Variants in ATP2B2 observed in about 807,000 individuals in gnomAD.
ATP2B2 encodes plasma membrane calcium-transporting ATPase 2.
A neutral mutation model predicts 120.0 loss-of-function variants in ATP2B2; 15 were observed. That is an observed-to-expected ratio of 0.12 (90% CI 0.08 to 0.19). The LOEUF is 0.19. Ranked by LOEUF, ATP2B2 falls within the 10% of genes least tolerant of loss-of-function variation. The probability of loss-of-function intolerance (pLI) is 1.00; values close to 1 mark genes in which losing one functional copy is unlikely to be tolerated. For synonymous variants in ATP2B2, 694 were observed against 700.3 expected, an observed-to-expected ratio of 0.99 and a Z score of 0.14; for missense variants, 1,045 against 1,719.8, an observed-to-expected ratio of 0.61 and a Z score of 6.94.
intron 6 of ATP2B2, 132 bp downstream of exon 6, chr3:10,388,145 A>T: frequency 7.4e-7 from 1 of 1,346,106 alleles, no homozygotes; most frequent in African/African-American, 1.4e-5. Flanking sequence ...TTAAGGATGC[A>T]GGAGGTGGCT....
At chr3:10,430,113 C>T (rs1314268245) in intron 2 of ATP2B2, among the ~76,000 whole-genome samples, 1 of 152,214 alleles carries the variant, frequency 6.6e-6, no homozygotes, top group Non-Finnish European at 1.5e-5. Context: ...TATTACTACT[C>T]ATTGACAATG....
chr3:10,488,051 C>A (rs560150218), intron 1 of ATP2B2, among the ~76,000 whole-genome samples: 14 of 152,102 alleles, frequency 9.2e-5, no homozygotes, highest in African/African-American at 3.4e-4. Flanking sequence ...CCATCTCTCT[C>A]TCCACTCCTC....
intron 2 of ATP2B2, among the ~76,000 whole-genome samples, chr3:10,606,181 G>C (rs1559482608): frequency 6.6e-6 from 1 of 152,254 alleles, no homozygotes; most frequent in East Asian, 1.9e-4. Flanking sequence ...CAGTGGAGGA[G>C]TTCAGTGTTC....
intron 2 of ATP2B2, among the ~76,000 whole-genome samples, chr3:10,614,575 T>A (rs1472741233): frequency 1.3e-5 from 2 of 152,146 alleles, no homozygotes; most frequent in African/African-American, 4.8e-5. Context: ...TCTCGTGACT[T>A]GGGTTTTAAT....
intron 1 of ATP2B2, among the ~76,000 whole-genome samples, chr3:10,488,045 C>T (rs2065762014): frequency 1.3e-5 from 2 of 152,044 alleles, no homozygotes; most frequent in South Asian, 4.2e-4. Flanking sequence ...ATTCATCCAT[C>T]TCTCTCTCCA....
intron 3 of ATP2B2, among the ~76,000 whole-genome samples, chr3:10,530,021 C>G (rs968686331): frequency 6.6e-6 from 1 of 152,182 alleles, no homozygotes; most frequent in Non-Finnish European, 1.5e-5. Context: ...ATCTTGGACT[C>G]CTAGTCTCCA....
chr3:10,625,616 G>A (rs1450716331), intron 1 of ATP2B2, among the ~76,000 whole-genome samples: 1 of 152,184 alleles, frequency 6.6e-6, no homozygotes, highest in Non-Finnish European at 1.5e-5. Flanking sequence ...GAGTTTTCAA[G>A]AGGGGCCGGG....
intron 2 of ATP2B2, among the ~76,000 whole-genome samples, chr3:10,418,218 T>C (rs941899690): frequency 1.3e-5 from 2 of 152,170 alleles, no homozygotes; most frequent in African/African-American, 4.8e-5. Flanking sequence ...TCTCCTCTCT[T>C]TGTCTGGATT....
At chr3:10,607,860 C>T (rs754983940) in intron 2 of ATP2B2, among the ~76,000 whole-genome samples, 13 of 152,140 alleles carry the variant, frequency 8.5e-5, no homozygotes, top group Non-Finnish European at 1.5e-4. Context: ...ATGAAGCTTG[C>T]TAGGGCAGGG....
chr3:10,498,375 A>G (rs1368976296), intron 1 of ATP2B2, among the ~76,000 whole-genome samples: 3 of 152,244 alleles, frequency 2.0e-5, no homozygotes, highest in Admixed American at 2.0e-4. Flanking sequence ...CACAGATCAA[A>G]AAACTTCAGA....
At position 10,375,805 on chromosome 3, in the gene ATP2B2, C is replaced by T. The variant is rs2061365207; in HGVS notation, c.1202-161G>A. On this transcript the variant is annotated intron_variant, in intron 10 of 22. Transcript: ENST00000360273. The surrounding 1 kb of genome is among the most constrained non-coding windows in gnomAD (Gnocchi z 4.2). ...TATGACCTGTGGCAAGTTCTTGAGA[C>T]CTTGATCCTCACCGAGCCTCAGTCT... Among the ~76,000 whole-genome samples the T allele has an allele frequency of 1.3e-5, 2 of 152,178 alleles. No individual in the cohort carries two copies. The highest frequency in any genetic ancestry group is 2.4e-5 in the African/African-American group (1 of 41,444).
intron 3 of ATP2B2, among the ~76,000 whole-genome samples, chr3:10,519,379 G>A (rs1277807241): frequency 6.6e-6 from 1 of 152,242 alleles, no homozygotes; most frequent in Non-Finnish European, 1.5e-5. Flanking sequence ...GGCCTTTCAA[G>A]GGGCTATTGA....
In ATP2B2 at chr3:10,375,460, G is replaced by A. The variant is rs1398844879; in HGVS notation, c.1386C>T (p.Ala462=). The change falls in exon 11 of 23, where the codon GCC becomes GCT. Residue 462 remains alanine (A), a synonymous_variant. Transcript: ENST00000360273. This position sits in a 1 kb window ranked among gnomAD's most constrained non-coding sequence, Gnocchi z 4.2. The part of the protein sequence containing the change: ...VVAVPEGLPL[A]VTISLAYSVK... ...CCGAATAGGCCAACGAGATGGTGAC[G>A]GCCAGAGGGAGCCCCTCGGGCACGG... The A allele has an allele frequency of 2.5e-6, 4 of 1,612,898 alleles. No individual in the cohort carries two copies. The highest frequency in any genetic ancestry group is 1.7e-5 in the Admixed American group (1 of 60,014).
At chr3:10,549,458 G>C (rs940468514) in intron 2 of ATP2B2, among the ~76,000 whole-genome samples, 12 of 152,024 alleles carry the variant, frequency 7.9e-5, no homozygotes, top group African/African-American at 2.7e-4. Context: ...GAGCAAACAA[G>C]CTCATGCATA....
intron 5 of ATP2B2, among the ~76,000 whole-genome samples, chr3:10,394,173 T>C (rs3774157): frequency 0.17 from 25,090 of 151,890 alleles, 3,783 homozygotes; most frequent in African/African-American, 0.39. Context: ...GTTCCTTCAG[T>C]GGGGAGAGGC....
chr3:10,606,914 G>C (rs7629485), intron 2 of ATP2B2, among the ~76,000 whole-genome samples: 63,039 of 88,516 alleles, frequency 0.71, 19,900 homozygotes, highest in Middle Eastern at 0.78. Flanking sequence ...CACACACACA[G>C]AGAGAGAGAG....
chr3:10,549,482 A>C (rs899331973), intron 2 of ATP2B2, among the ~76,000 whole-genome samples: 1 of 152,126 alleles, frequency 6.6e-6, no homozygotes, highest in African/African-American at 2.4e-5. Context: ...ATAAGTGCTC[A>C]ATGTGTGTTA....
intron 22 of ATP2B2, chr3:10,331,877 G>A: frequency 8.8e-7 from 1 of 1,130,190 alleles, no homozygotes; most frequent in South Asian, 1.5e-5. Context: ...ACAGGCCCTG[G>A]TCTGAGATGG....
rs372940479 is a variant in ATP2B2, at chr3:10,543,767, C to G, written c.-414-9634G>C. On this transcript the variant is annotated intron_variant, in intron 2 of 21. Coordinates refer to the ATP2B2 transcript ENST00000646379. ...TTTTTTTTTTTTTTTGAGACAGAGT[C>G]TCACTCTGTCACCCAGGCTGGAGTG... Among the ~76,000 whole-genome samples the G allele has an allele frequency of 1.2e-4, 18 of 148,778 alleles. No homozygotes were observed. The East Asian group carries it at 2.7e-3, about 23-fold the overall frequency.
Sources: allele counts gnomAD v4.1 joint callset (sites outside exome capture counted in the v4.1 genomes callset), GRCh38; gene constraint gnomAD v4.1.1; non-coding constraint Gnocchi (gnomAD v3.1); transcripts MANE v1.5; gene names NCBI Gene and HGNC (gene_info 2026-07-23, HGNC 2026-07-21).